The following GTF3C2 variants were observed in gnomAD, a reference collection of about 807,000 sequenced individuals.
GTF3C2 encodes the protein general transcription factor IIIC subunit 2, also known as general transcription factor 3C polypeptide 2.
Under a neutral mutation model 117.4 loss-of-function variants are expected in GTF3C2, and 17 were observed. The observed-to-expected ratio is 0.14, with a 90% CI of 0.10 to 0.22. The LOEUF (loss-of-function observed/expected upper bound fraction) is 0.22, where lower values mean the gene tolerates loss of function less well. GTF3C2 is among the 10% of genes least tolerant of loss of function. The pLI, the probability that GTF3C2 is intolerant of heterozygous loss-of-function variation, is 1.00. For synonymous variants in GTF3C2, 437 were observed against 427.0 expected (o/e 1.02, Z -0.29); for missense variants, 888 against 1,143.6 (o/e 0.78, Z 3.22).
intron 1 of GTF3C2, among the ~76,000 whole-genome samples, chr2:27,354,957 C>T (rs748443812): frequency 1.3e-5 from 2 of 152,042 alleles, no homozygotes; most frequent in Non-Finnish European, 2.9e-5. Context: ...TTATTTTTCT[C>T]GAATAATCAT....
chr2:27,338,278 C>T (rs554469942), intron 4 of GTF3C2: 28 of 452,362 alleles, frequency 6.2e-5, no homozygotes, highest in African/African-American at 5.2e-4. Context: ...GTATTTGATT[C>T]ACAGGATTCC....
At chr2:27,337,845 C>T (rs1680549888) in intron 5 of GTF3C2, 81 bp downstream of exon 5, 2 of 841,138 alleles carry the variant, frequency 2.4e-6, no homozygotes, top group Admixed American at 3.5e-5. Context: ...GCTTCTCTTT[C>T]CCACGGCCCC....
chr2:27,355,432 A>G (rs1336380286), intron 1 of GTF3C2, among the ~76,000 whole-genome samples: 9 of 152,044 alleles, frequency 5.9e-5, no homozygotes, highest in Non-Finnish European at 1.2e-4. Flanking sequence ...AGGCAGGAGA[A>G]TCGCTTGAAC....
At chr2:27,332,710 G>C (rs565347120) in intron 12 of GTF3C2, among the ~76,000 whole-genome samples, 1 of 151,390 alleles carries the variant, frequency 6.6e-6, no homozygotes, top group African/African-American at 2.4e-5. Context: ...CACCGTGCCC[G>C]GCCTAAAAAT....
intron 10 of GTF3C2, 133 bp from the exon 11 acceptor site, chr2:27,334,132 C>A: frequency 4.2e-6 from 3 of 708,868 alleles, no homozygotes; most frequent in South Asian, 1.5e-5. Flanking sequence ...CTCAAGCAAT[C>A]CTCCTGCCTC....
chr2:27,347,826 G>C (rs967926020), intron 1 of GTF3C2, among the ~76,000 whole-genome samples: 4 of 152,202 alleles, frequency 2.6e-5, no homozygotes, highest in Admixed American at 6.5e-5. Flanking sequence ...AGTCAGATCA[G>C]TGTCATTATA....
exon 2 of GTF3C2, chr2:27,343,425 T>C (rs1159894171): frequency 3.1e-6 from 5 of 1,613,970 alleles, no homozygotes; most frequent in African/African-American, 2.7e-5. Flanking sequence ...GCCTCTGCAC[T>C]GGTCATTTCT....
At chr2:27,334,257 C>T (rs1024933188) in intron 10 of GTF3C2, among the ~76,000 whole-genome samples, 2 of 151,848 alleles carry the variant, frequency 1.3e-5, no homozygotes, top group Admixed American at 1.3e-4. Flanking sequence ...CTTAAATCAG[C>T]AACCAATCCT....
intron 17 of GTF3C2, among the ~76,000 whole-genome samples, chr2:27,327,778 C>G (rs1680135024): frequency 6.6e-6 from 1 of 152,104 alleles, no homozygotes; most frequent in Non-Finnish European, 1.5e-5. Context: ...CAGGCACGCG[C>G]CACCACGCCC....
intron 15 of GTF3C2, 90 bp from the exon 16 acceptor site, chr2:27,328,686 A>G: frequency 8.2e-7 from 1 of 1,213,814 alleles, no homozygotes; most frequent in Admixed American, 1.9e-5. Context: ...ACAGACACAC[A>G]AACAAAAATG....
At position 27,342,811 on chromosome 2, in the gene GTF3C2, C is replaced by A. The variant is rs1405196329; in HGVS notation, c.569+15G>T. On this transcript the variant is annotated intron_variant, in intron 3 of 18. Transcript: ENST00000264720. ...CCCAACCCCCCTCCACCAAGCTATG[C>A]CCCACAATCCTTACACTTGGGCAGC... 40 of 1,601,956 alleles carry A rather than the reference C, an allele frequency of 2.5e-5. No homozygotes were observed. Among genetic ancestry groups the A allele is most frequent in the Non-Finnish European group, 3.3e-5 (39 of 1,171,628 alleles).
chr2:27,336,193 C>G lies in GTF3C2; in HGVS notation c.1355+5G>C. The G allele has an allele frequency of 6.2e-7, 1 of 1,608,270 alleles. No homozygotes were observed. The highest frequency in any genetic ancestry group is 8.5e-7 in the Non-Finnish European group (1 of 1,174,908). Reference sequence around the variant, plus strand: ...CTCCCATGGCAGTGTCCAACCCCACCTCACCAGCTTTCTTGCTGCAAGGTC... The same window carrying G: ...CTCCCATGGCAGTGTCCAACCCCACGTCACCAGCTTTCTTGCTGCAAGGTC... On this transcript the variant is annotated splice_donor_5th_base_variant and intron_variant, in intron 8 of 18. Transcript: ENST00000264720.
chr2:27,354,176 G>A (rs996914513), intron 1 of GTF3C2, among the ~76,000 whole-genome samples: 1 of 151,864 alleles, frequency 6.6e-6, no homozygotes, highest in Non-Finnish European at 1.5e-5. Context: ...CTAGCTATTC[G>A]AGAGGCTGAG....
intron 2 of GTF3C2, 78 bp from the exon 3 acceptor site, chr2:27,343,225 T>C: frequency 3.3e-6 from 5 of 1,531,736 alleles, no homozygotes; most frequent in Non-Finnish European, 4.4e-6. Flanking sequence ...GTACCCAGGT[T>C]TGTAAGATCC....
chr2:27,355,562 G>A (rs1299338141), intron 1 of GTF3C2, among the ~76,000 whole-genome samples: 2 of 151,980 alleles, frequency 1.3e-5, no homozygotes. Flanking sequence ...GCAGCAGCAG[G>A]ATGTAATGGT....
chr2:27,335,627 G>A (rs1680438645), exon 10 of GTF3C2: 1 of 1,555,180 alleles, frequency 6.4e-7, no homozygotes, highest in Non-Finnish European at 8.7e-7. Flanking sequence ...CAGGGCCTCC[G>A]GATGGGGTAG....
intron 9 of GTF3C2, 97 bp downstream of exon 9, chr2:27,335,820 A>G (rs559105095): frequency 2.9e-4 from 311 of 1,069,312 alleles, no homozygotes; most frequent in Non-Finnish European, 4.2e-4. Context: ...TCCATCCACT[A>G]CACTCCAACC....
At position 27,350,215 on chromosome 2, in the gene GTF3C2, C is replaced by G. The variant is rs188263319; in HGVS notation, c.-25+6524G>C. The G allele has an allele frequency of 4.8e-3, 746 of 154,080 alleles. 6 individuals are homozygous for G. The highest frequency in any genetic ancestry group is 7.8e-3 in the South Asian group (38 of 4,858). 9.5% of individuals were successfully genotyped at this position (154,080 alleles called of 1,614,324 possible). A position where few individuals can be genotyped will look rare whatever the true frequency, so the allele number is the denominator to read the frequency against. On this transcript the variant is annotated intron_variant, in intron 1 of 18. Coordinates refer to ENST00000264720, the Ensembl canonical transcript of GTF3C2. Reference sequence around the variant, plus strand: ...ATTCACTACACGGTATTAAACAGTTCATATCAGAGGTTCACAAAGTGTGGC... The same window carrying G: ...ATTCACTACACGGTATTAAACAGTTGATATCAGAGGTTCACAAAGTGTGGC...
At chr2:27,355,461 A>G (rs1251161745) in intron 1 of GTF3C2, among the ~76,000 whole-genome samples, 1 of 151,944 alleles carries the variant, frequency 6.6e-6, no homozygotes. Flanking sequence ...CGGAGGTTGC[A>G]GTGAGCCGAG....
Sources: allele counts gnomAD v4.1 joint callset (sites outside exome capture counted in the v4.1 genomes callset), GRCh38; gene constraint gnomAD v4.1.1; transcripts MANE v1.5; gene names NCBI Gene and HGNC (gene_info 2026-07-23, HGNC 2026-07-21).